The following PXYLP1 variants were observed in gnomAD, a reference collection of about 807,000 sequenced individuals.
PXYLP1 encodes acid phosphatase-like 2.
In PXYLP1, 17 loss-of-function variants were observed where a neutral mutation model predicts 37.9. The observed-to-expected ratio is 0.45, with a 90% CI of 0.31 to 0.67. The LOEUF (loss-of-function observed/expected upper bound fraction) is 0.67. Ranked by LOEUF, PXYLP1 falls within the 30% of genes least tolerant of loss-of-function variation. The probability of loss-of-function intolerance (pLI) is 0.07; values close to 1 mark genes in which losing one functional copy is unlikely to be tolerated. For synonymous variants in PXYLP1, 221 were observed against 232.2 expected (o/e 0.95, Z 0.44); for missense variants, 511 against 612.0 (o/e 0.84, Z 1.74).
chr3:141,278,588 C>T lies in PXYLP1; in HGVS notation c.238+88C>T, dbSNP rs1941863109. ...GCACAGCAGTAAGGAGCAAGATGGC[C>T]AGGACCCAAGTCCTGCAGTTGCCAC... On this transcript the variant is annotated intron_variant, in intron 3 of 5. Coordinates refer to ENST00000286353, the MANE Select transcript of PXYLP1 (RefSeq NM_001037172.3). 8 of 1,530,008 alleles carry T rather than the reference C, an allele frequency of 5.2e-6. No individual in the cohort carries two copies. The South Asian group carries it at 7.4e-5, about 14-fold the overall frequency. 94.8% of individuals were successfully genotyped at this position (1,530,008 alleles called of 1,614,324 possible). A position where few individuals can be genotyped will look rare whatever the true frequency, so the allele number is the denominator to read the frequency against.
chr3:141,253,577 A>ACAT (rs1160969628), intron 1 of PXYLP1, among the ~76,000 whole-genome samples: 1 of 152,030 alleles, frequency 6.6e-6, no homozygotes, highest in Non-Finnish European at 1.5e-5. Context: ...GCCTGGATGC[A>ACAT]GTCTTCTTTC....
chr3:141,284,308 A>G (rs1194749681), intron 4 of PXYLP1, among the ~76,000 whole-genome samples: 4 of 152,112 alleles, frequency 2.6e-5, no homozygotes, highest in African/African-American at 9.7e-5. Flanking sequence ...TGCCATGCCT[A>G]AATAATGGCT....
intron 1 of PXYLP1, among the ~76,000 whole-genome samples, chr3:141,244,738 T>C (rs1012149176): frequency 2.6e-5 from 4 of 151,846 alleles, no homozygotes; most frequent in Admixed American, 2.0e-4. Context: ...ATTTTCCAAC[T>C]GTTTCCCTAT....
intron 1 of PXYLP1, among the ~76,000 whole-genome samples, chr3:141,254,258 C>T (rs1941209160): frequency 6.6e-6 from 1 of 152,174 alleles, no homozygotes; most frequent in Admixed American, 6.5e-5. Context: ...TATCGTTTCT[C>T]CCATAAATAC....
In PXYLP1 at chr3:141,273,174, A is replaced by G. The variant is rs1019562889; in HGVS notation, c.80-5168A>G. ...ACTGTCCCCCGCAACTGGATTGTAA[A>G]CCCCGTGAGGGCAGAGACCTTGTCC... is the stretch of plus-strand genomic sequence containing the variant. On this transcript the variant is annotated intron_variant, in intron 2 of 5. Transcript: ENST00000286353. 9 of 985,166 alleles carry G rather than the reference A, an allele frequency of 9.1e-6. No individual in the cohort carries two copies. In the African/African-American group the frequency reaches 1.0e-4, roughly 11 times the overall value. 61.0% of individuals were successfully genotyped at this position (985,166 alleles called of 1,614,324 possible). A position where few individuals can be genotyped will look rare whatever the true frequency, so the allele number is the denominator to read the frequency against.
chr3:141,269,552 G>A (rs1941611091), intron 2 of PXYLP1, among the ~76,000 whole-genome samples: 1 of 151,968 alleles, frequency 6.6e-6, no homozygotes, highest in African/African-American at 2.4e-5. Flanking sequence ...AGGTACTTTG[G>A]GTTCTTAGCC....
At chr3:141,274,826 G>A (rs548580062) in intron 2 of PXYLP1, among the ~76,000 whole-genome samples, 3 of 152,326 alleles carry the variant, frequency 2.0e-5, no homozygotes, top group East Asian at 1.9e-4. Flanking sequence ...ATTCAGGGCG[G>A]GCTTCCTGGA....
chr3:141,233,888 G>A (rs1022024759), intron 1 of PXYLP1, among the ~76,000 whole-genome samples: 5 of 152,104 alleles, frequency 3.3e-5, no homozygotes, highest in African/African-American at 7.2e-5. Flanking sequence ...AGAAATTCCC[G>A]TGGGCTTCTC....
chr3:141,261,204 TA>T (rs775349102), intron 2 of PXYLP1, among the ~76,000 whole-genome samples: 4 of 152,140 alleles, frequency 2.6e-5, no homozygotes, highest in Non-Finnish European at 5.9e-5. Flanking sequence ...TGGAGTGCAG[TA>T]GCACGATCAC....
At chr3:141,273,198 C>A in intron 2 of PXYLP1, 1 of 985,208 alleles carries the variant, frequency 1.0e-6, no homozygotes, top group Non-Finnish European at 1.2e-6. Flanking sequence ...GAGACCTTGT[C>A]CATTTTATTC....
At chr3:141,288,344 TC>T in intron 5 of PXYLP1, among the ~76,000 whole-genome samples, 1 of 152,194 alleles carries the variant, frequency 6.6e-6, no homozygotes, top group African/African-American at 2.4e-5. Context: ...GGAGGGAAGG[TC>T]TCCATCCTAT....
intron 2 of PXYLP1, among the ~76,000 whole-genome samples, 183 bp downstream of exon 2, chr3:141,260,437 G>A (rs1361924987): frequency 2.0e-5 from 3 of 152,214 alleles, no homozygotes; most frequent in Non-Finnish European, 4.4e-5. Flanking sequence ...TGTTCTGTGT[G>A]CTCTTTTGAC....
chr3:141,261,253 A>G (rs1941389486), intron 2 of PXYLP1, among the ~76,000 whole-genome samples: 1 of 152,090 alleles, frequency 6.6e-6, no homozygotes. Context: ...TTAGGAGTTT[A>G]GGTAATCTTC....
At chr3:141,280,222 C>T (rs895439709) in intron 4 of PXYLP1, among the ~76,000 whole-genome samples, 27 of 152,226 alleles carry the variant, frequency 1.8e-4, no homozygotes, top group African/African-American at 6.3e-4. Flanking sequence ...ATGAAGTGCT[C>T]AGTGGGGAAG....
At chr3:141,250,586 A>G (rs1941119258) in intron 1 of PXYLP1, among the ~76,000 whole-genome samples, 1 of 152,350 alleles carries the variant, frequency 6.6e-6, no homozygotes, top group Non-Finnish European at 1.5e-5. Flanking sequence ...TGCGATGGGC[A>G]GCCTGGGGGA....
chr3:141,242,711 G>A (rs1270424393), intron 1 of PXYLP1, among the ~76,000 whole-genome samples: 1 of 152,182 alleles, frequency 6.6e-6, no homozygotes, highest in Non-Finnish European at 1.5e-5. Flanking sequence ...TGTTTTTTGG[G>A]TGCCTTCTTG....
At chr3:141,241,034 C>T (rs1158375962) in intron 1 of PXYLP1, among the ~76,000 whole-genome samples, 1 of 152,158 alleles carries the variant, frequency 6.6e-6, no homozygotes, top group Non-Finnish European at 1.5e-5. Flanking sequence ...AGTGCCCCTG[C>T]CCACTCAACC....
At chr3:141,277,367 G>A (rs1013357193) in intron 2 of PXYLP1, among the ~76,000 whole-genome samples, 3 of 152,180 alleles carry the variant, frequency 2.0e-5, no homozygotes, top group East Asian at 1.9e-4. Flanking sequence ...GATGCTGAAA[G>A]TATGACTATA....
At chr3:141,271,621 C>A (rs1023408840) in intron 2 of PXYLP1, among the ~76,000 whole-genome samples, 2 of 152,186 alleles carry the variant, frequency 1.3e-5, no homozygotes, top group African/African-American at 4.8e-5. Context: ...GTCCCTGATA[C>A]CCAACTGTAA....
Sources: gnomAD v4.1 joint callset for allele counts (sites outside exome capture counted in the v4.1 genomes callset) on GRCh38, gnomAD v4.1.1 for gene constraint, MANE v1.5 for transcripts, NCBI Gene and HGNC (gene_info 2026-07-23, HGNC 2026-07-21) for gene names.